Variants in CCDC88A observed in about 807,000 individuals in gnomAD.
The protein encoded by CCDC88A is coiled-coil and HOOK domain protein 88A, also known as girdin.
In CCDC88A, 54 loss-of-function variants were observed where a neutral mutation model predicts 234.3. The observed-to-expected ratio is 0.23, with a 90% CI of 0.19 to 0.29. The LOEUF (loss-of-function observed/expected upper bound fraction) is 0.29. Among genes scored for constraint, CCDC88A ranks in the 10% least tolerant of loss-of-function variants. CCDC88A has a pLI of 1.00. For synonymous variants in CCDC88A, 753 were observed against 737.8 expected (o/e 1.02, Z -0.33); for missense variants, 1,832 against 2,123.4 (o/e 0.86, Z 2.70).
chr2:55,391,552 T>C (rs1413539510), intron 2 of CCDC88A, among the ~76,000 whole-genome samples: 3 of 152,192 alleles, frequency 2.0e-5, no homozygotes, highest in Admixed American at 6.5e-5. Flanking sequence ...GAACGTTAAG[T>C]AGGAAGAAAT....
At chr2:55,377,498 C>T (rs559568971) in intron 3 of CCDC88A, among the ~76,000 whole-genome samples, 12 of 151,744 alleles carry the variant, frequency 7.9e-5, no homozygotes, top group Non-Finnish European at 1.5e-4. Flanking sequence ...GCTGTATTTT[C>T]TTAAATCACT....
rs1281899325 is a variant in CCDC88A, at chr2:55,362,428, A to C, written c.507T>G (p.Asn169Lys). 1.1e-5 allele frequency: 17 copies of C among 1,602,208 alleles called. No homozygotes were observed. The highest frequency in any genetic ancestry group is 1.4e-5 in the Non-Finnish European group (17 of 1,176,604). ...CTTCCATCCATTGCAGGTCAAACAC[A>C]TTTTCCTGATTATGAGTTACCTTTA... ...HIQEVTHNQE[N>K]VFDLQWMEVT... Residue 169 changes from asparagine to lysine, a missense_variant, in exon 7 of 33, where the codon AAT becomes AAG. Physicochemically the swap from Asn to Lys is moderately conservative, Grantham distance 94. This residue lies in a region of CCDC88A where 1,282 missense variants were observed against 1,543.6 expected (regional missense o/e 0.83). Transcript: ENST00000436346.
In CCDC88A at chr2:55,332,591, G is replaced by C; in HGVS notation, c.2830C>G (p.His944Asp). 1 of 1,612,898 alleles carries C rather than the reference G, an allele frequency of 6.2e-7. No individual in the cohort carries two copies. The highest frequency in any genetic ancestry group is 1.7e-5 in the Admixed American group (1 of 59,954). Residue 944 changes from histidine to aspartate, a missense_variant, in exon 16 of 33, where the codon CAT becomes GAT. Coordinates refer to ENST00000436346, the MANE Select transcript of CCDC88A (RefSeq NM_001365480.1). The surrounding 1 kb of genome is among the most constrained non-coding windows in gnomAD (Gnocchi z 4.5). ...CTGTCATCAGTACTTTGTTCATCATGTAAGAGTCGCTCCTTATTTAACCCT... is the reference window on the plus strand; with the variant it reads ...CTGTCATCAGTACTTTGTTCATCATCTAAGAGTCGCTCCTTATTTAACCCT... ...KIGLNKERLLHDEQSTDDSRY... is the reference protein window; with the variant it reads ...KIGLNKERLLDDEQSTDDSRY...
intron 3 of CCDC88A, among the ~76,000 whole-genome samples, chr2:55,379,579 G>C (rs1674242620): frequency 6.6e-6 from 1 of 152,176 alleles, no homozygotes; most frequent in Non-Finnish European, 1.5e-5. Context: ...TTTAGTAAGA[G>C]AAGAAAGACA....
In CCDC88A at chr2:55,322,694, TA is replaced by T; in HGVS notation, c.2998-3del. The T allele has an allele frequency of 6.8e-7, 1 of 1,471,206 alleles. No individual in the cohort carries two copies. The highest frequency in any genetic ancestry group is 9.2e-7 in the Non-Finnish European group (1 of 1,091,676). 91.1% of individuals were successfully genotyped at this position (1,471,206 alleles called of 1,614,324 possible). A position where few individuals can be genotyped will look rare whatever the true frequency, so the allele number is the denominator to read the frequency against. On this transcript the variant is annotated splice_region_variant and splice_polypyrimidine_tract_variant and intron_variant, in intron 17 of 32. Transcript: ENST00000436346. ...GAGAGCTTCATAATTTTTTTTCACC[TA>T]AAATTTTATTTAAAATATTTTAATG...
intron 5 of CCDC88A, among the ~76,000 whole-genome samples, chr2:55,368,155 T>C (rs1174339813): frequency 6.6e-6 from 1 of 152,198 alleles, no homozygotes; most frequent in Non-Finnish European, 1.5e-5. Flanking sequence ...TTCAGAAGAC[T>C]TGGGTTGCCC....
At chr2:55,405,724 T>C (rs1210812423) in intron 2 of CCDC88A, 1 of 152,144 alleles carries the variant, frequency 6.6e-6, no homozygotes, top group Admixed American at 6.5e-5. Flanking sequence ...TGAACTGCCA[T>C]ACAAGGGATC....
intron 3 of CCDC88A, among the ~76,000 whole-genome samples, chr2:55,386,762 G>A (rs1173571125): frequency 3.3e-5 from 5 of 151,814 alleles, no homozygotes; most frequent in African/African-American, 1.2e-4. Flanking sequence ...GTGAGCCACT[G>A]TACCCAGCCT....
intron 8 of CCDC88A, among the ~76,000 whole-genome samples, chr2:55,354,275 G>A (rs1670277292): frequency 6.6e-6 from 1 of 151,472 alleles, no homozygotes; most frequent in South Asian, 2.1e-4. Context: ...CAGGTAACTG[G>A]GACTACCACC....
chr2:55,322,315 T>C (rs1026737214), intron 18 of CCDC88A, among the ~76,000 whole-genome samples: 2 of 152,102 alleles, frequency 1.3e-5, no homozygotes, highest in Non-Finnish European at 2.9e-5. Context: ...GCTACCCAAA[T>C]GCTGAGGGAA....
At chr2:55,399,723 T>A (rs1228471026) in intron 2 of CCDC88A, 1 of 152,212 alleles carries the variant, frequency 6.6e-6, no homozygotes, top group Non-Finnish European at 1.5e-5. Context: ...TTAATAATTG[T>A]GTTGGATTGT....
intron 17 of CCDC88A, among the ~76,000 whole-genome samples, chr2:55,325,076 A>G (rs1265218398): frequency 6.6e-6 from 1 of 152,250 alleles, no homozygotes; most frequent in African/African-American, 2.4e-5. Flanking sequence ...ATATTTCCAT[A>G]TAAATTTTAG....
intron 2 of CCDC88A, chr2:55,405,115 C>T (rs1170995691): frequency 2.0e-5 from 3 of 152,238 alleles, no homozygotes; most frequent in Non-Finnish European, 4.4e-5. Context: ...GGTTCCTCCA[C>T]TAAGGCTAGT....
chr2:55,342,771 T>C (rs1208231211), intron 12 of CCDC88A, among the ~76,000 whole-genome samples: 6 of 152,186 alleles, frequency 3.9e-5, no homozygotes, highest in African/African-American at 1.4e-4. Flanking sequence ...GTAATTATTC[T>C]GTAAGCACTG....
chr2:55,345,974 A>C (rs1669065506), intron 10 of CCDC88A: 1 of 406,236 alleles, frequency 2.5e-6, no homozygotes, highest in Non-Finnish European at 4.3e-6. Context: ...GAGTTCAATA[A>C]AATTAGTAAT....
Position 55,374,835 on chromosome 2 carries a change from T to C in CCDC88A, c.322A>G (p.Ile108Val). ...IMMSLPNVLI[I>V]GKNPFSEQGT... Reference sequence around the variant, plus strand: ...TTACCAGAAAAGGGATTTTTGCCAATGATTAAGACATTTGGCAACGACATC... The same window carrying C: ...TTACCAGAAAAGGGATTTTTGCCAACGATTAAGACATTTGGCAACGACATC... The change falls in exon 4 of 33, where the codon ATT (isoleucine) becomes GTT (valine). Residue 108 changes from isoleucine to valine, a missense_variant. Ile to Val is a conservative substitution (Grantham distance 29). Around this residue, in one of 6 missense-constraint regions of CCDC88A, gnomAD observed 84 missense variants for 80.9 expected, o/e 1.04. Coordinates refer to ENST00000436346, the MANE Select transcript of CCDC88A (RefSeq NM_001365480.1). 1.2e-6 allele frequency: 2 copies of C among 1,606,488 alleles called. No homozygotes were observed. The highest frequency in any genetic ancestry group is 8.5e-7 in the Non-Finnish European group (1 of 1,174,038).
chr2:55,344,411 T>C lies in CCDC88A; in HGVS notation c.1145A>G (p.Lys382Arg), dbSNP rs2104723470. ...TTTAGCTTTCAGTTGTAAGTTCTCT[T>C]TTTCTAATTCATGTAATTTATCAGA... ...ARSDKLHELE[K>R]ENLQLKAKLH... Residue 382 changes from lysine to arginine, a missense_variant, in exon 11 of 33, where the codon AAA (lysine) becomes AGA (arginine). Physicochemically the swap from Lys to Arg is conservative, Grantham distance 26. Around this residue, in one of 6 missense-constraint regions of CCDC88A, gnomAD observed 1,282 missense variants for 1,543.6 expected, o/e 0.83. Transcript: ENST00000436346. 6.3e-7 allele frequency: 1 copy of C among 1,592,364 alleles called. No homozygotes were observed. The highest frequency in any genetic ancestry group is 1.7e-5 in the Admixed American group (1 of 58,682).
chr2:55,374,728 T>C, intron 4 of CCDC88A, 86 bp downstream of exon 4: 1 of 717,298 alleles, frequency 1.4e-6, no homozygotes, highest in Non-Finnish European at 2.4e-6. Flanking sequence ...AGTGAGTTAA[T>C]GTATATAAGC....
chr2:55,364,092 T>C (rs1671661536), intron 5 of CCDC88A, 59 bp from the exon 6 acceptor site: 1 of 759,008 alleles, frequency 1.3e-6, no homozygotes, highest in South Asian at 1.9e-5. Flanking sequence ...CTTAAAATGT[T>C]ATATATAACT....
Sources: gnomAD v4.1 joint callset for allele counts (sites outside exome capture counted in the v4.1 genomes callset) on GRCh38, gnomAD v4.1.1 for gene constraint, gnomAD v4.1.1 regional missense constraint, Gnocchi (gnomAD v3.1) non-coding constraint, MANE v1.5 for transcripts, NCBI Gene and HGNC (gene_info 2026-07-23, HGNC 2026-07-21) for gene names.